Variants in AGPS observed in about 807,000 individuals in gnomAD.
The protein encoded by AGPS is alkylglycerone phosphate synthase, also known as alkyldihydroxyacetonephosphate synthase, peroxisomal.
A neutral mutation model predicts 90.7 loss-of-function variants in AGPS; 26 were observed. The observed-to-expected ratio is 0.29, with a 90% CI of 0.21 to 0.40. The LOEUF is 0.40. AGPS is among the 10% of genes least tolerant of loss of function. AGPS has a pLI of 1.00. For synonymous variants in AGPS, 294 were observed against 285.3 expected (o/e 1.03, Z -0.31); for missense variants, 540 against 816.1 (o/e 0.66, Z 4.12).
intron 8 of AGPS, 99 bp from the exon 9 acceptor site, chr2:177,461,794 C>G: frequency 1.2e-6 from 1 of 826,110 alleles, no homozygotes; most frequent in Admixed American, 2.2e-5. Context: ...ATTCAAATAT[C>G]AATGACATGG....
intron 14 of AGPS, among the ~76,000 whole-genome samples, chr2:177,504,345 A>T (rs1292464921): frequency 6.6e-6 from 1 of 152,066 alleles, no homozygotes; most frequent in East Asian, 1.9e-4. Flanking sequence ...CCAACCTCAC[A>T]TCCAACTCAG....
At chr2:177,442,364 C>A in intron 6 of AGPS, 43 bp from the exon 7 acceptor site, 2 of 1,440,184 alleles carry the variant, frequency 1.4e-6, no homozygotes, top group Non-Finnish European at 2.0e-6. Flanking sequence ...TAGCTAAAAA[C>A]AGAATATTTA....
intron 12 of AGPS, among the ~76,000 whole-genome samples, chr2:177,494,429 G>A (rs1170335288): frequency 6.6e-6 from 1 of 152,178 alleles, no homozygotes; most frequent in African/African-American, 2.4e-5. Context: ...AACCACTTGT[G>A]TGTTTTGGCC....
intron 11 of AGPS, among the ~76,000 whole-genome samples, chr2:177,489,684 A>G (rs1688193587): frequency 6.6e-6 from 1 of 152,216 alleles, no homozygotes; most frequent in Non-Finnish European, 1.5e-5. Context: ...CAGACTATTA[A>G]GTATAAAATA....
At chr2:177,436,468 C>G (rs546594286) in intron 3 of AGPS, among the ~76,000 whole-genome samples, 1 of 152,038 alleles carries the variant, frequency 6.6e-6, no homozygotes, top group South Asian at 2.1e-4. Context: ...TAAATTTTAT[C>G]GACAGGTATA....
chr2:177,459,034 A>G (rs1013184192), intron 8 of AGPS, among the ~76,000 whole-genome samples: 20 of 152,140 alleles, frequency 1.3e-4, no homozygotes, highest in African/African-American at 4.6e-4. Flanking sequence ...ATCTACAACC[A>G]TCTAATCTTT....
At chr2:177,397,778 C>T (rs1685227690) in intron 1 of AGPS, among the ~76,000 whole-genome samples, 4 of 152,180 alleles carry the variant, frequency 2.6e-5, no homozygotes, top group Admixed American at 1.3e-4. Flanking sequence ...CCCATAATCC[C>T]AGCACTTTGG....
At chr2:177,429,624 T>C (rs1236528699) in intron 2 of AGPS, among the ~76,000 whole-genome samples, 1 of 152,198 alleles carries the variant, frequency 6.6e-6, no homozygotes, top group Non-Finnish European at 1.5e-5. Flanking sequence ...GCCTCATTTT[T>C]CCCAGACCTG....
Position 177,480,150 on chromosome 2 carries a change from A to G in AGPS, c.1106-1909A>G, listed in dbSNP as rs1340668810. 2.0e-5 allele frequency among the ~76,000 whole-genome samples: 3 copies of G among 152,304 alleles called. No individual in the cohort carries two copies. The East Asian group carries it at 5.8e-4, about 29-fold the overall frequency. On this transcript the variant is annotated intron_variant, in intron 10 of 19. Transcript: ENST00000264167. ...AGCCGAGATCATGTCATTGCACTCC[A>G]GCCTGGGCAACAAGAGCGAAACTCC...
At chr2:177,411,826 A>T (rs1434089070) in intron 1 of AGPS, among the ~76,000 whole-genome samples, 2 of 152,172 alleles carry the variant, frequency 1.3e-5, no homozygotes, top group Non-Finnish European at 1.5e-5. Flanking sequence ...GACCCATAGT[A>T]CTGGGTCATC....
chr2:177,405,606 A>C lies in AGPS; in HGVS notation c.260+12557A>C, dbSNP rs75083030. On this transcript the variant is annotated intron_variant, in intron 1 of 19. Transcript: ENST00000264167. ...TAATTATAAAACTTTTAGCCTCTTA[A>C]CCAATTCTGGTACCTGGTAGATGTT... Among the ~76,000 whole-genome samples the C allele has an allele frequency of 5.4e-3, 812 of 151,624 alleles. 8 individuals are homozygous for C. Among genetic ancestry groups the C allele is most frequent in the Middle Eastern group, 0.01 (3 of 288 alleles).
chr2:177,509,948 A>G (rs941108062), intron 16 of AGPS, among the ~76,000 whole-genome samples: 1 of 152,130 alleles, frequency 6.6e-6, no homozygotes, highest in Non-Finnish European at 1.5e-5. Flanking sequence ...AGTTCTGTCT[A>G]CCTGGCAGGA....
At chr2:177,507,933 T>C (rs1559077259) in intron 15 of AGPS, 37 bp from the exon 16 acceptor site, 1 of 1,349,272 alleles carries the variant, frequency 7.4e-7, no homozygotes, top group Admixed American at 1.7e-5. Flanking sequence ...TCTGCATCTG[T>C]TGTAGTTTCT....
At chr2:177,434,883 T>A (rs1158085084) in intron 3 of AGPS, among the ~76,000 whole-genome samples, 1 of 151,206 alleles carries the variant, frequency 6.6e-6, no homozygotes, top group African/African-American at 2.4e-5. Flanking sequence ...ATTTAGAATA[T>A]TTGAAGAATT....
chr2:177,440,867 A>C (rs944840445), intron 5 of AGPS, 98 bp from the exon 6 acceptor site: 9 of 1,000,556 alleles, frequency 9.0e-6, no homozygotes, highest in African/African-American at 3.2e-5. Flanking sequence ...TGAATGAAGG[A>C]AAAGTTTAGA....
intron 5 of AGPS, among the ~76,000 whole-genome samples, chr2:177,440,708 C>T (rs530344756): frequency 2.0e-4 from 31 of 152,070 alleles, no homozygotes; most frequent in African/African-American, 7.0e-4. Context: ...ACTGTAGCTA[C>T]ATAAGATGTT....
At chr2:177,419,379 G>A (rs16865234) in intron 1 of AGPS, among the ~76,000 whole-genome samples, 5,327 of 151,948 alleles carry the variant, frequency 0.035, 204 homozygotes, top group African/African-American at 0.097. Context: ...CTGCATAGTT[G>A]AATTTGTAGT....
intron 8 of AGPS, among the ~76,000 whole-genome samples, chr2:177,449,628 T>C (rs79298671): frequency 0.042 from 6,442 of 152,220 alleles, 458 homozygotes; most frequent in African/African-American, 0.15. Flanking sequence ...TTTTTTGCCA[T>C]GTTGCCCAGG....
intron 1 of AGPS, among the ~76,000 whole-genome samples, chr2:177,407,284 A>T (rs1685494306): frequency 6.6e-6 from 1 of 152,216 alleles, no homozygotes; most frequent in Non-Finnish European, 1.5e-5. Flanking sequence ...GAGTAATAAG[A>T]ATAGAGTGCT....
Sources: gnomAD v4.1 joint callset for allele counts (sites outside exome capture counted in the v4.1 genomes callset) on GRCh38, gnomAD v4.1.1 for gene constraint, MANE v1.5 for transcripts, NCBI Gene and HGNC (gene_info 2026-07-23, HGNC 2026-07-21) for gene names.